The following CFAP47 variants were observed in gnomAD, a reference collection of about 807,000 sequenced individuals.
CFAP47 encodes cilia and flagella associated protein 47.
In CFAP47, 29 loss-of-function variants were observed where a neutral mutation model predicts 148.1. The observed-to-expected ratio is 0.20, with a 90% CI of 0.15 to 0.27. The LOEUF is 0.27. Ranked by LOEUF, CFAP47 falls within the 10% of genes least tolerant of loss-of-function variation. The pLI, the probability that CFAP47 is intolerant of heterozygous loss-of-function variation, is 1.00. For synonymous variants in CFAP47, 664 were observed against 577.3 expected (o/e 1.15, Z -2.15); for missense variants, 1,872 against 1,697.5 (o/e 1.10, Z -1.81).
intron 56 of CFAP47, among the ~76,000 whole-genome samples, chrX:36,313,294 C>T (rs1363133005): frequency 9.0e-6 from 1 of 110,564 alleles, no homozygotes; most frequent in Non-Finnish European, 1.9e-5. Context: ...AGGAAACTTA[C>T]AATCATGGTG....
chrX:36,135,138 A>G (rs376372623), intron 33 of CFAP47, among the ~76,000 whole-genome samples: 4 of 110,168 alleles, frequency 3.6e-5, no homozygotes, highest in South Asian at 7.8e-4. Context: ...ACTCGCGGGG[A>G]AAGGGTGAGA....
At chrX:36,308,971 A>G (rs187502627) in intron 55 of CFAP47, among the ~76,000 whole-genome samples, 61 of 111,838 alleles carry the variant, frequency 5.5e-4, no homozygotes, top group African/African-American at 1.9e-3. Context: ...TGGTCAGGAC[A>G]TCACAACTGC....
intron 27 of CFAP47, among the ~76,000 whole-genome samples, chrX:36,070,992 T>C (rs1239767029): frequency 1.8e-5 from 2 of 112,550 alleles, no homozygotes; most frequent in East Asian, 5.6e-4. Context: ...AAAACTGCCC[T>C]GAGCTGCTAC....
intron 42 of CFAP47, among the ~76,000 whole-genome samples, chrX:36,193,843 GA>G (rs1569285606): frequency 9.0e-6 from 1 of 111,333 alleles, no homozygotes; most frequent in Non-Finnish European, 1.9e-5. Context: ...AGAAAAATCT[GA>G]AAATTAGAAT....
Position 35,971,872 on chromosome X carries a change from C to T in CFAP47, c.2161C>T (p.Leu721Phe). The T allele has an allele frequency of 8.4e-7, 1 of 1,195,259 alleles. No individual in the cohort carries two copies. Among genetic ancestry groups the T allele is most frequent in the Non-Finnish European group, 1.1e-6 (1 of 884,014 alleles). The change falls in exon 13 of 64, where the codon CTC becomes TTC. Residue 721 changes from leucine (L) to phenylalanine (F), a missense_variant. Physicochemically the swap from Leu to Phe is conservative, Grantham distance 22. Transcript: ENST00000378653. ...GGAAAAATATGATTTTTTACAGGTT[C>T]TCAAAGGACTTAAATCAGAACCATC... ...QEEESVRRKV[L>F]KGLKSEPSTP...
intron 26 of CFAP47, among the ~76,000 whole-genome samples, chrX:36,060,276 T>A: frequency 9.0e-6 from 1 of 111,658 alleles, no homozygotes; most frequent in Middle Eastern, 4.7e-3. Context: ...TGATAAATTT[T>A]ACTTTTTGCC....
At chrX:36,353,132 G>A (rs375037461) in intron 59 of CFAP47, among the ~76,000 whole-genome samples, 1 of 110,392 alleles carries the variant, frequency 9.1e-6, no homozygotes, top group East Asian at 2.8e-4. Context: ...TGTTATAAAA[G>A]TAAAGTTTAG....
chrX:36,033,385 C>T (rs1460742052), intron 23 of CFAP47, among the ~76,000 whole-genome samples: 2 of 111,565 alleles, frequency 1.8e-5, no homozygotes, highest in Non-Finnish European at 3.8e-5. Flanking sequence ...GAAAAAATAA[C>T]ACTAAACATA....
At chrX:36,266,296 A>G (rs1422275038) in intron 49 of CFAP47, among the ~76,000 whole-genome samples, 1 of 110,207 alleles carries the variant, frequency 9.1e-6, no homozygotes, top group Non-Finnish European at 1.9e-5. Context: ...CACTGATGGG[A>G]CACACTGTGA....
At chrX:36,001,156 A>T (rs906670073) in intron 20 of CFAP47, among the ~76,000 whole-genome samples, 2 of 111,759 alleles carry the variant, frequency 1.8e-5, no homozygotes, top group African/African-American at 6.5e-5. Context: ...TTGAGTCCAT[A>T]CAAATAAGTA....
At chrX:35,951,499 A>G in intron 5 of CFAP47, 140 bp downstream of exon 5, 1 of 504,992 alleles carries the variant, frequency 2.0e-6, no homozygotes. Flanking sequence ...ATGTGTATCC[A>G]ATAGCAACCT....
At chrX:36,257,202 A>C (rs930783752) in intron 49 of CFAP47, among the ~76,000 whole-genome samples, 18 of 111,672 alleles carry the variant, frequency 1.6e-4, no homozygotes, top group Non-Finnish European at 3.8e-5. Context: ...ACATAAAAAG[A>C]GGGGGTAGAA....
intron 8 of CFAP47, among the ~76,000 whole-genome samples, chrX:35,964,292 CT>C (rs1453300951): frequency 9.0e-6 from 1 of 111,364 alleles, no homozygotes; most frequent in African/African-American, 3.2e-5. Context: ...TCTCCACTGC[CT>C]TTTTGCCTTC....
intron 33 of CFAP47, among the ~76,000 whole-genome samples, chrX:36,131,048 A>G (rs1178509578): frequency 1.8e-5 from 2 of 110,606 alleles, no homozygotes; most frequent in Admixed American, 9.7e-5. Flanking sequence ...TAACAACTGT[A>G]CTTGTTAAAA....
In CFAP47 at chrX:35,991,806, T is replaced by C. The variant is rs1936792603; in HGVS notation, c.2845-15T>C. 3.4e-6 allele frequency: 1 copy of C among 293,840 alleles called. No individual in the cohort carries two copies. 24.2% of individuals were successfully genotyped at this position (293,840 alleles called of 1,213,427 possible). On this transcript the variant is annotated splice_polypyrimidine_tract_variant and intron_variant, in intron 16 of 63. Coordinates refer to ENST00000378653, the MANE Select transcript of CFAP47 (RefSeq NM_001304548.2). ...TAATTCAATTGTGTTTTTTCTTTCC[T>C]CCTCTCGTTATTAGCTTGGTCGCAC...
chrX:36,017,179 A>G (rs1326463267), intron 22 of CFAP47, among the ~76,000 whole-genome samples: 1 of 111,897 alleles, frequency 8.9e-6, no homozygotes, highest in Non-Finnish European at 1.9e-5. Context: ...TATCAAAGAG[A>G]TATCTGCACT....
chrX:36,296,977 G>A (rs938301161), intron 51 of CFAP47, among the ~76,000 whole-genome samples: 7 of 111,350 alleles, frequency 6.3e-5, no homozygotes, highest in Middle Eastern at 9.3e-3. Context: ...AATTATAAGC[G>A]TTGAATATTT....
At chrX:36,145,111 A>ATG (rs1271097220) in intron 35 of CFAP47, 108 bp from the exon 36 acceptor site, 7 of 233,743 alleles carry the variant, frequency 3.0e-5, no homozygotes, top group Non-Finnish European at 5.1e-5. Flanking sequence ...GTGTGTGTGT[A>ATG]TGTGTGTGTA....
chrX:36,233,261 T>A (rs1555993126), intron 46 of CFAP47, among the ~76,000 whole-genome samples: 1 of 111,567 alleles, frequency 9.0e-6, no homozygotes, highest in African/African-American at 3.3e-5. Context: ...ATTCTCTTTG[T>A]AGGTCACTCA....
Sources: gnomAD v4.1 joint callset for allele counts (sites outside exome capture counted in the v4.1 genomes callset) on GRCh38, gnomAD v4.1.1 for gene constraint, MANE v1.5 for transcripts, NCBI Gene and HGNC (gene_info 2026-07-23, HGNC 2026-07-21) for gene names.